Variants in ZNF385B observed in about 807,000 individuals in gnomAD.
ZNF385B encodes zinc finger protein 385B, also known as zinc finger protein 533.
ZNF385B carries 23 observed loss-of-function variants against 39.2 expected under a neutral mutation model. That is an observed-to-expected ratio of 0.59 (90% CI 0.42 to 0.83). The LOEUF is 0.83. Among genes scored for constraint, ZNF385B ranks in the 40% least tolerant of loss-of-function variants. The pLI is 0.00. For synonymous variants in ZNF385B, 205 were observed against 222.6 expected (o/e 0.92, Z 0.70); for missense variants, 552 against 598.9 (o/e 0.92, Z 0.82).
rs548912997 is a variant in ZNF385B at position 179,753,496 on chromosome 2, G to A, written c.298+16007C>T. ...GAAGAAAGTCACTGGTAGCTTGATA[G>A]GGATAGCATTAAATCTATAAATTAC... On this transcript the variant is annotated intron_variant, in intron 3 of 9. Coordinates refer to ENST00000410066, the MANE Select transcript of ZNF385B (RefSeq NM_152520.6). Among the ~76,000 whole-genome samples the A allele has an allele frequency of 3.3e-5, 5 of 152,280 alleles. No individual in the cohort carries two copies. In the East Asian group the frequency reaches 9.7e-4, roughly 29 times the overall value.
At position 179,444,994 on chromosome 2, in the gene ZNF385B, C is replaced by G; in HGVS notation, c.1141-17G>C. On this transcript the variant is annotated splice_polypyrimidine_tract_variant and intron_variant, in intron 8 of 9. Transcript: ENST00000410066. ...AGAAATGTGCTGAAAAAGTTTGATG[C>G]ATTAGCTGGACTGAAATGTGAGTCT... 1 of 1,604,294 alleles carries G rather than the reference C, an allele frequency of 6.2e-7. No individual in the cohort carries two copies. The highest frequency in any genetic ancestry group is 1.1e-5 in the South Asian group (1 of 90,842).
intron 3 of ZNF385B, among the ~76,000 whole-genome samples, chr2:179,764,708 T>G (rs1012361653): frequency 6.6e-6 from 1 of 152,244 alleles, no homozygotes; most frequent in Non-Finnish European, 1.5e-5. Flanking sequence ...TACTTTCAAA[T>G]ATCACTGTTT....
intron 3 of ZNF385B, among the ~76,000 whole-genome samples, chr2:179,555,877 C>T (rs949806072): frequency 6.0e-5 from 9 of 148,780 alleles, no homozygotes; most frequent in Admixed American, 2.7e-4. Context: ...TAAAGAGCTC[C>T]GACAGCAGCC....
chr2:179,688,048 GGACTCT>G (rs1387407072), intron 3 of ZNF385B, among the ~76,000 whole-genome samples: 1 of 152,078 alleles, frequency 6.6e-6, no homozygotes, highest in Non-Finnish European at 1.5e-5. Flanking sequence ...CTACAAACTG[GGACTCT>G]GACTCTGCCA....
chr2:179,601,991 A>T (rs1032206454), intron 3 of ZNF385B, among the ~76,000 whole-genome samples: 3 of 152,228 alleles, frequency 2.0e-5, no homozygotes, highest in Non-Finnish European at 4.4e-5. Flanking sequence ...ACTGCTTAGT[A>T]ACTAACCTAC....
At chr2:179,557,405 GC>G (rs2060978481) in intron 3 of ZNF385B, among the ~76,000 whole-genome samples, 4 of 149,876 alleles carry the variant, frequency 2.7e-5, no homozygotes, top group Admixed American at 2.0e-4. Context: ...AGCCAGTGTG[GC>G]CAAAAGCCAA....
At chr2:179,520,820 A>AT (rs1372069558) in intron 4 of ZNF385B, among the ~76,000 whole-genome samples, 1 of 152,168 alleles carries the variant, frequency 6.6e-6, no homozygotes. Flanking sequence ...TATTTTCATT[A>AT]TTTTTTGCCA....
intron 3 of ZNF385B, among the ~76,000 whole-genome samples, chr2:179,723,546 G>A (rs1280225381): frequency 6.6e-6 from 1 of 152,056 alleles, no homozygotes; most frequent in African/African-American, 2.4e-5. Flanking sequence ...CAAAAAGTAT[G>A]AATCTTAAAA....
chr2:179,658,016 C>T (rs962792179), intron 3 of ZNF385B, among the ~76,000 whole-genome samples: 9 of 152,130 alleles, frequency 5.9e-5, no homozygotes, highest in African/African-American at 2.2e-4. Flanking sequence ...AGGGAGGAAA[C>T]CTTGGGCAAA....
At chr2:179,637,291 A>G (rs1691850061) in intron 3 of ZNF385B, 1 of 152,198 alleles carries the variant, frequency 6.6e-6, no homozygotes, top group Non-Finnish European at 1.5e-5. Flanking sequence ...CGACACAGAT[A>G]GCCTGCCCTA....
chr2:179,493,773 A>ATATACATATATGTATGCATATG (rs1553572737), intron 5 of ZNF385B, among the ~76,000 whole-genome samples: 1 of 73,946 alleles, frequency 1.4e-5, no homozygotes, highest in East Asian at 3.5e-4. Context: ...GTATACATAT[A>ATATACATATATGTATGCATATG]TGTATATACA....
At chr2:179,461,317 TGAG>T (rs1375340360) in intron 6 of ZNF385B, among the ~76,000 whole-genome samples, 1 of 152,138 alleles carries the variant, frequency 6.6e-6, no homozygotes, top group Non-Finnish European at 1.5e-5. Context: ...AGGATAAACA[TGAG>T]GAGATCAGTC....
At chr2:179,532,377 A>G (rs1175957184) in intron 4 of ZNF385B, among the ~76,000 whole-genome samples, 1 of 152,226 alleles carries the variant, frequency 6.6e-6, no homozygotes, top group Non-Finnish European at 1.5e-5. Flanking sequence ...CAGTTTGCTT[A>G]TATGTTGGCC....
intron 1 of ZNF385B, among the ~76,000 whole-genome samples, chr2:179,828,531 T>G (rs1160526028): frequency 6.6e-6 from 1 of 152,216 alleles, no homozygotes; most frequent in East Asian, 1.9e-4. Flanking sequence ...ATTCACTTTT[T>G]GTTTCAGATG....
At chr2:179,666,070 T>C (rs549592206) in intron 3 of ZNF385B, among the ~76,000 whole-genome samples, 124 of 152,336 alleles carry the variant, frequency 8.1e-4, no homozygotes, top group Middle Eastern at 3.4e-3. Flanking sequence ...AGTTTTGTAG[T>C]GAGATGATAT....
chr2:179,659,845 C>G lies in ZNF385B; in HGVS notation c.298+109658G>C, dbSNP rs75681273. 8.1e-4 allele frequency among the ~76,000 whole-genome samples: 123 copies of G among 152,212 alleles called. 1 individual carries two copies. In the East Asian group the frequency reaches 0.022, roughly 27 times the overall value. On this transcript the variant is annotated intron_variant, in intron 3 of 9. Transcript: ENST00000410066. ...CTGATTTTAATGGAACTAAAAAATA[C>G]AGGTCAAATACTGATCATGACTGCT...
chr2:179,450,613 A>G lies in ZNF385B; in HGVS notation c.716-3843T>C, dbSNP rs891757620. Among the ~76,000 whole-genome samples the G allele has an allele frequency of 5.2e-4, 79 of 152,176 alleles. No individual in the cohort carries two copies. The Middle Eastern group carries it at 0.014, about 26-fold the overall frequency. On this transcript the variant is annotated intron_variant, in intron 6 of 9. Coordinates refer to ENST00000410066, the MANE Select transcript of ZNF385B (RefSeq NM_152520.6). Reference sequence around the variant, plus strand: ...AGTCAGGAAACAACAGGTGCTGGAGAGGATGTGGAGAAATAGGAACACTTT... The same window carrying G: ...AGTCAGGAAACAACAGGTGCTGGAGGGGATGTGGAGAAATAGGAACACTTT...
At chr2:179,794,071 A>C (rs1705504196) in intron 1 of ZNF385B, among the ~76,000 whole-genome samples, 1 of 152,208 alleles carries the variant, frequency 6.6e-6, no homozygotes, top group Admixed American at 6.5e-5. Flanking sequence ...TGTATCCATT[A>C]TGCCTTTCTG....
chr2:179,533,722 T>G (rs1213928133), intron 4 of ZNF385B, among the ~76,000 whole-genome samples: 1 of 152,216 alleles, frequency 6.6e-6, no homozygotes, highest in Admixed American at 6.5e-5. Context: ...ATATATTGAT[T>G]ATTATGACTT....
Sources: gnomAD v4.1 joint callset for allele counts (sites outside exome capture counted in the v4.1 genomes callset) on GRCh38, gnomAD v4.1.1 for gene constraint, MANE v1.5 for transcripts, NCBI Gene and HGNC (gene_info 2026-07-23, HGNC 2026-07-21) for gene names.